The following NEK4 variants were observed in gnomAD, a reference collection of about 807,000 sequenced individuals.
The protein encoded by NEK4 is serine/threonine-protein kinase Nek4.
A neutral mutation model predicts 98.4 loss-of-function variants in NEK4; 86 were observed. That is an observed-to-expected ratio of 0.87 (90% CI 0.73 to 1.05). The LOEUF (loss-of-function observed/expected upper bound fraction) is 1.05, where lower values mean the gene tolerates loss of function less well. Ranked by LOEUF, NEK4 falls within the 50% of genes least tolerant of loss-of-function variation. NEK4 has a pLI of 0.00. For missense variants in NEK4, 898 were observed against 950.3 expected (o/e 0.94, Z 0.72); for synonymous variants, 328 against 342.2 (o/e 0.96, Z 0.46).
At chr3:52,752,927 T>TACACACACAC (rs1299044456) in intron 6 of NEK4, among the ~76,000 whole-genome samples, 1 of 45,650 alleles carries the variant, frequency 2.2e-5, no homozygotes, top group Non-Finnish European at 4.8e-5. Context: ...AATATATATA[T>TACACACACAC]ATATATACAC....
intron 14 of NEK4, among the ~76,000 whole-genome samples, chr3:52,739,125 C>G (rs2097381239): frequency 6.6e-6 from 1 of 152,180 alleles, no homozygotes; most frequent in Non-Finnish European, 1.5e-5. Flanking sequence ...CTAGGCCAGG[C>G]ATGGTGGCTC....
chr3:52,747,042 T>C, intron 8 of NEK4, 138 bp from the exon 9 acceptor site: 2 of 635,928 alleles, frequency 3.1e-6, no homozygotes, highest in Non-Finnish European at 5.4e-6. Context: ...GTTTCCATAT[T>C]GCAATTTAGT....
chr3:52,742,601 C>T (rs1309657145), intron 12 of NEK4, among the ~76,000 whole-genome samples: 1 of 152,082 alleles, frequency 6.6e-6, no homozygotes, highest in African/African-American at 2.4e-5. Context: ...CATTTAGCCA[C>T]CAGATGGTGT....
rs749912464 is a variant in NEK4 at position 52,743,403 on chromosome 3, T to G, written c.1953A>C (p.Glu651Asp). Residue 651 changes from glutamate to aspartate, a missense_variant, in exon 12 of 16, where the codon GAA (glutamate) becomes GAC (aspartate). Physicochemically the swap from Glu to Asp is conservative, Grantham distance 45 (BLOSUM62 2). Coordinates refer to ENST00000233027, the MANE Select transcript of NEK4 (RefSeq NM_003157.6). Reference sequence around the variant, plus strand: ...GCCGTCGGGCAGGCAAGGGCTGGTCTTCTTCCTGGGGTTTTCCTGGCCCTG... The same window carrying G: ...GCCGTCGGGCAGGCAAGGGCTGGTCGTCTTCCTGGGGTTTTCCTGGCCCTG... ...SVAGPGKPQE[E>D]DQPLPARRLS... 2.4e-5 allele frequency: 38 copies of G among 1,609,932 alleles called. No homozygotes were observed. The highest frequency in any genetic ancestry group is 3.3e-5 in the Admixed American group (2 of 59,956).
At chr3:52,728,011 T>C (rs979448314) in intron 15 of NEK4, among the ~76,000 whole-genome samples, 13 of 152,190 alleles carry the variant, frequency 8.5e-5, no homozygotes, top group Admixed American at 6.5e-4. Flanking sequence ...GATGAGAGGA[T>C]TGCATGAGGT....
intron 6 of NEK4, 45 bp downstream of exon 6, chr3:52,760,750 C>T (rs1170606233): frequency 6.9e-7 from 1 of 1,439,562 alleles, no homozygotes; most frequent in South Asian, 1.2e-5. Flanking sequence ...GCCCATTTTT[C>T]TAAGTGCAGT....
rs749390247 is a variant in NEK4 at position 52,765,905 on chromosome 3, ATAAAC to A, written c.643_647del (p.Val215SerfsTer4). ...TCTTTACCTTTCCTTCAATAATCCG[ATAAAC>A]TAAAGAATTCATATCTTTTGCATTG... On this transcript the variant is annotated frameshift_variant, in exon 4 of 16. Coordinates refer to ENST00000233027, the MANE Select transcript of NEK4 (RefSeq NM_003157.6). LOFTEE classifies it high-confidence loss of function. The A allele has an allele frequency of 1.8e-5, 29 of 1,602,812 alleles. No individual in the cohort carries two copies. Among genetic ancestry groups the A allele is most frequent in the Non-Finnish European group, 2.5e-5 (29 of 1,169,956 alleles).
chr3:52,744,639 G>A (rs187759702), intron 10 of NEK4, among the ~76,000 whole-genome samples: 32 of 145,912 alleles, frequency 2.2e-4, no homozygotes, highest in East Asian at 1.7e-3. Context: ...AGCTGAGATC[G>A]CGCCATTGCA....
intron 6 of NEK4, among the ~76,000 whole-genome samples, chr3:52,757,504 G>A (rs1036644153): frequency 6.6e-6 from 1 of 150,382 alleles, no homozygotes; most frequent in Non-Finnish European, 1.5e-5. Context: ...GTTACAGTGA[G>A]CCACGATTGT....
chr3:52,747,111 T>C (rs569114939), intron 8 of NEK4, among the ~76,000 whole-genome samples: 1 of 152,248 alleles, frequency 6.6e-6, no homozygotes, highest in South Asian at 2.1e-4. Context: ...ATGGTTCAAA[T>C]ATAACAATGC....
At chr3:52,727,265 C>T (rs369291923) in intron 15 of NEK4, among the ~76,000 whole-genome samples, 30 of 152,140 alleles carry the variant, frequency 2.0e-4, no homozygotes, top group African/African-American at 7.2e-5. Context: ...TGAGCCACTG[C>T]GCCTGACCTA....
intron 5 of NEK4, among the ~76,000 whole-genome samples, chr3:52,761,806 A>G (rs988112055): frequency 6.6e-6 from 1 of 152,242 alleles, no homozygotes; most frequent in East Asian, 1.9e-4. Flanking sequence ...TTCAAATTTT[A>G]CATGTCTGTA....
Position 52,750,885 on chromosome 3 carries a change from T to C in NEK4, c.1368+1047A>G, listed in dbSNP as rs1030853643. On this transcript the variant is annotated intron_variant, in intron 7 of 15. Transcript: ENST00000233027. ...AGTCAAGGCTGCAGTGAGCTGTGTT[T>C]GCACCACTGCACGCTAGCCTGAGCA... Among the ~76,000 whole-genome samples, 7 of 152,216 alleles carry C rather than the reference T, an allele frequency of 4.6e-5. No individual in the cohort carries two copies. The East Asian group carries it at 1.2e-3, about 25-fold the overall frequency.
rs2097348751 is a variant in NEK4, at chr3:52,709,962, G to A, written c.*1815C>T. The A allele has an allele frequency of 6.6e-6, 1 of 152,156 alleles. No individual in the cohort carries two copies. Among genetic ancestry groups the A allele is most frequent in the Non-Finnish European group, 1.5e-5 (1 of 68,034 alleles). 9.4% of individuals were successfully genotyped at this position (152,156 alleles called of 1,614,324 possible). A position where few individuals can be genotyped will look rare whatever the true frequency, so the allele number is the denominator to read the frequency against. ...TTCAAAGTGAAAATAAGAGTTATCA[G>A]AAACCAGGCTGTGAGCACTGTAAAA... On this transcript the variant is annotated 3_prime_UTR_variant, in exon 16 of 16. Coordinates refer to ENST00000233027, the MANE Select transcript of NEK4 (RefSeq NM_003157.6).
intron 15 of NEK4, among the ~76,000 whole-genome samples, chr3:52,723,431 A>T (rs532227940): frequency 6.6e-6 from 1 of 152,096 alleles, no homozygotes; most frequent in South Asian, 2.1e-4. Context: ...TTTAGTGTAG[A>T]CGGGGTTTTA....
At chr3:52,740,944 T>C (rs969373079) in intron 13 of NEK4, among the ~76,000 whole-genome samples, 1 of 149,220 alleles carries the variant, frequency 6.7e-6, no homozygotes, top group African/African-American at 2.5e-5. Context: ...TGTGAAGAAA[T>C]AATGGCCAGG....
Position 52,711,530 on chromosome 3 carries a change from A to C in NEK4, c.*247T>G. On this transcript the variant is annotated 3_prime_UTR_variant, in exon 16 of 16. Coordinates refer to ENST00000233027, the MANE Select transcript of NEK4 (RefSeq NM_003157.6). ...GTGGATTAAGGCTCAGTAAACAGTA[A>C]TCAAACAAACAACAGATTTGTCCTC... The C allele has an allele frequency of 2.9e-6, 1 of 339,306 alleles. No homozygotes were observed. The allele number at this position is 339,306 out of a possible 1,614,324, so 21.0% of individuals were successfully genotyped here. A position where few individuals can be genotyped will look rare whatever the true frequency, so the allele number is the denominator to read the frequency against.
chr3:52,720,140 G>A (rs1476305725), intron 15 of NEK4, among the ~76,000 whole-genome samples: 1 of 152,032 alleles, frequency 6.6e-6, no homozygotes, highest in African/African-American at 2.4e-5. Context: ...AAAATTAGCT[G>A]GGCGTGGTGG....
In NEK4 at chr3:52,751,845, C is replaced by T. The variant is rs999827641; in HGVS notation, c.1368+87G>A. The stretch of plus-strand genomic sequence containing the variant: ...CTGATACATAGAATTACTGATTTTC[C>T]TAAAATGACAACAGAACCCACATAT... On this transcript the variant is annotated intron_variant, in intron 7 of 15. Transcript: ENST00000233027. 1.6e-5 allele frequency: 21 copies of T among 1,314,782 alleles called. No homozygotes were observed. In the African/African-American group the frequency reaches 3.0e-4, roughly 19 times the overall value. The allele number at this position is 1,314,782 out of a possible 1,614,324, so 81.4% of individuals were successfully genotyped here.
Sources: allele counts gnomAD v4.1 joint callset (sites outside exome capture counted in the v4.1 genomes callset), GRCh38; gene constraint gnomAD v4.1.1; transcripts MANE v1.5; gene names NCBI Gene and HGNC (gene_info 2026-07-23, HGNC 2026-07-21).